RENBP: variants seen among roughly 807,000 people sequenced by gnomAD.
RENBP encodes the protein renin binding protein.
In RENBP, 16 loss-of-function variants were observed where a neutral mutation model predicts 37.8. The observed-to-expected ratio is 0.42, with a 90% CI of 0.29 to 0.64. The LOEUF is 0.64. Ranked by LOEUF, RENBP falls within the 30% of genes least tolerant of loss-of-function variation. RENBP has a pLI of 0.19. For synonymous variants in RENBP, 170 were observed against 154.8 expected (o/e 1.10, Z -0.73); for missense variants, 347 against 379.5 (o/e 0.91, Z 0.71).
chrX:153,941,950 C>CCCCCGGGGGG lies in RENBP; in HGVS notation c.768_769insCCCCCCGGGG (p.Gly257ProfsTer31). The CCCCCGGGGGG allele has an allele frequency of 5.3e-6, 6 of 1,130,602 alleles. No individual in the cohort carries two copies. The highest frequency in any genetic ancestry group is 7.3e-6 in the Non-Finnish European group (6 of 823,174). 93.2% of individuals were successfully genotyped at this position (1,130,602 alleles called of 1,213,427 possible). On this transcript the variant is annotated frameshift_variant and splice_region_variant, in exon 7 of 11. Coordinates refer to ENST00000393700, the MANE Select transcript of RENBP (RefSeq NM_002910.6). LOFTEE classifies it high-confidence loss of function. ...GCCCCCAGCCCACCCCGCCCCTCACCTGGGTTCTGCTGTCTCCCCAGGCAG... is the reference window on the plus strand; with the variant it reads ...GCCCCCAGCCCACCCCGCCCCTCACCCCCCGGGGGGTGGGTTCTGCTGTCTCCCCAGGCAG...
intron 6 of RENBP, 52 bp from the exon 7 acceptor site, chrX:153,942,083 A>T: frequency 1.2e-5 from 12 of 1,005,182 alleles, no homozygotes; most frequent in Non-Finnish European, 1.7e-5. Flanking sequence ...TCACCCACCC[A>T]GCCACCCAAC....
chrX:153,940,607 A>G (rs782598161), intron 8 of RENBP, among the ~76,000 whole-genome samples: 3 of 111,318 alleles, frequency 2.7e-5, no homozygotes, highest in Non-Finnish European at 5.7e-5. Context: ...GCAGGATGAG[A>G]TATGAGGTCG....
intron 5 of RENBP, 64 bp from the exon 6 acceptor site, chrX:153,943,143 CA>C: frequency 2.3e-6 from 2 of 878,776 alleles, no homozygotes; most frequent in Non-Finnish European, 3.1e-6. Flanking sequence ...TCCCCCTGGA[CA>C]CGGCCCTGGG....
Position 153,943,882 on chromosome X carries a change from A to G in RENBP, c.289+13T>C, listed in dbSNP as rs201764611. 1 of 1,176,240 alleles carries G rather than the reference A, an allele frequency of 8.5e-7. No individual in the cohort carries two copies. The highest frequency in any genetic ancestry group is 1.8e-5 in the African/African-American group (1 of 56,540). On this transcript the variant is annotated intron_variant, in intron 4 of 10. Coordinates refer to ENST00000393700, the MANE Select transcript of RENBP (RefSeq NM_002910.6). ...CGGAGTCACTGGGAGATGGGCAGGAAGGGGGCACCTACCTGCTTTTGCTGC... is the reference window on the plus strand; with the variant it reads ...CGGAGTCACTGGGAGATGGGCAGGAGGGGGGCACCTACCTGCTTTTGCTGC...
chrX:153,941,937 C>A lies in RENBP; in HGVS notation c.769+13G>T. The stretch of plus-strand genomic sequence containing the variant: ...CTCCTCCTGGGTGGCCCCCAGCCCA[C>A]CCCGCCCCTCACCTGGGTTCTGCTG... On this transcript the variant is annotated intron_variant, in intron 7 of 10. Transcript: ENST00000393700. 1.1e-6 allele frequency: 1 copy of A among 945,003 alleles called. No homozygotes were observed. The highest frequency in any genetic ancestry group is 2.3e-5 in the Admixed American group (1 of 44,323). 77.9% of individuals were successfully genotyped at this position (945,003 alleles called of 1,213,427 possible). A position where few individuals can be genotyped will look rare whatever the true frequency, so the allele number is the denominator to read the frequency against.
At position 153,941,625 on chromosome X, in the gene RENBP, C is replaced by G. The variant is rs782756432; in HGVS notation, c.798G>C (p.Leu266=). ...CGCCTTTCCGAATGCAATGACGGAG[C>G]AGAAACCAGCCGGCTTCCAGCGTGT... ...PGHTLEAGWF[L]LRHCIRKGDP... is the part of the protein sequence containing the mutation. The change falls in exon 8 of 11, where the codon CTG becomes CTC. Residue 266 remains leucine (L), a synonymous_variant. Transcript: ENST00000393700. 7 of 1,199,145 alleles carry G rather than the reference C, an allele frequency of 5.8e-6. No individual in the cohort carries two copies. In the Admixed American group the frequency reaches 1.1e-4, roughly 20 times the overall value.
chrX:153,943,594 G>T lies in RENBP; in HGVS notation c.414C>A (p.Thr138=). 8.3e-7 allele frequency: 1 copy of T among 1,211,514 alleles called. No individual in the cohort carries two copies. Among genetic ancestry groups the T allele is most frequent in the Non-Finnish European group, 1.1e-6 (1 of 895,308 alleles). The change falls in exon 5 of 11, where the codon ACC becomes ACA. Residue 138 remains threonine, a synonymous_variant. Coordinates refer to ENST00000393700, the MANE Select transcript of RENBP (RefSeq NM_002910.6). ...CTCTCCACAGCTCGTTCATGGCCAT[G>T]GTGTAGAAACACTCACTGAAGATGG... is the stretch of plus-strand genomic sequence containing the variant. The part of the protein sequence containing the change: ...QRTIFSECFY[T]MAMNELWRAT...
chrX:153,942,754 C>T (rs1884213124), intron 6 of RENBP, 101 bp downstream of exon 6: 1 of 700,048 alleles, frequency 1.4e-6, no homozygotes, highest in Admixed American at 2.4e-5. Flanking sequence ...TGGGGACATC[C>T]CCGAATCTCT....
In RENBP at chrX:153,935,562, C is replaced by A; in HGVS notation, c.1092G>T (p.Glu364Asp). The A allele has an allele frequency of 8.3e-7, 1 of 1,209,424 alleles. No individual in the cohort carries two copies. The highest frequency in any genetic ancestry group is 2.2e-5 in the Admixed American group (1 of 46,091). The change falls in exon 10 of 11, where the codon GAG becomes GAT. Residue 364 changes from glutamate to aspartate, a missense_variant. Coordinates refer to ENST00000393700, the MANE Select transcript of RENBP (RefSeq NM_002910.6). ...EYTFRQFRDPEYGEWFGYLSR... is the reference protein window; with the variant it reads ...EYTFRQFRDPDYGEWFGYLSR... ...TCAGGTAGCCAAACCATTCCCCGTA[C>A]TCGGGATCGCGAAACTGGAATAACA... is the stretch of plus-strand genomic sequence containing the variant.
In RENBP at chrX:153,944,376, G is replaced by T. The variant is rs782346421; in HGVS notation, c.70C>A (p.Arg24Ser). ...ACGCGGTCCAGCTCCTGCCCCACGC[G>T]CTCCTTCCAGGCCTGCAGAGTCTCT... ...ERETLQAWKE[R>S]VGQELDRVVA... The change falls in exon 2 of 11, where the codon CGC becomes AGC. Residue 24 changes from arginine to serine, a missense_variant. This residue lies in a region of RENBP where 244 missense variants were observed against 279.4 expected (regional missense o/e 0.87). Transcript: ENST00000393700. 8.3e-7 allele frequency: 1 copy of T among 1,211,040 alleles called. No individual in the cohort carries two copies. Among genetic ancestry groups the T allele is most frequent in the African/African-American group, 1.7e-5 (1 of 57,785 alleles).
chrX:153,937,237 T>TAAAC (rs2065207477), intron 9 of RENBP: 1 of 112,185 alleles, frequency 8.9e-6, no homozygotes, highest in Non-Finnish European at 1.7e-5. Context: ...AATAAATAAA[T>TAAAC]AAATAAAAAC....
chrX:153,936,924 C>T (rs2065205445), intron 9 of RENBP, among the ~76,000 whole-genome samples: 1 of 112,260 alleles, frequency 8.9e-6, no homozygotes. Flanking sequence ...GGGCTGGGCA[C>T]AGTGGCTCAC....
chrX:153,938,030 C>T (rs1046805085), intron 9 of RENBP, among the ~76,000 whole-genome samples: 1 of 112,649 alleles, frequency 8.9e-6, no homozygotes, highest in Non-Finnish European at 1.9e-5. Flanking sequence ...CATGCCCAGC[C>T]GATTTACCTG....
At chrX:153,943,788 C>T in intron 4 of RENBP, 70 bp from the exon 5 acceptor site, 1 of 1,182,867 alleles carries the variant, frequency 8.5e-7, no homozygotes, top group Non-Finnish European at 1.1e-6. Flanking sequence ...CTTGAGCCTC[C>T]CCAAGTCCTT....
At chrX:153,942,230 G>GTTTTTTT (rs782716689) in intron 6 of RENBP, 199 bp from the exon 7 acceptor site, 53 of 95,984 alleles carry the variant, frequency 5.5e-4, no homozygotes, top group East Asian at 8.4e-4. Flanking sequence ...GCAAGTTGTT[G>GTTTTTTT]TTTTTTTTTT....
In RENBP at chrX:153,944,116, A is replaced by G. The variant is rs1177451711; in HGVS notation, c.177T>C (p.Tyr59=). The change falls in exon 3 of 11, where the codon TAT becomes TAC. Residue 59 remains tyrosine, a synonymous_variant. Coordinates refer to ENST00000393700, the MANE Select transcript of RENBP (RefSeq NM_002910.6). The part of the protein sequence containing the change: ...FTCLGREGRV[Y]DDLKYVWLQG... Reference sequence around the variant, plus strand: ...GCAGCCACACATACTTGAGGTCATCATACACCCGCCCCTCGCGGCCAAGGC... The same window carrying G: ...GCAGCCACACATACTTGAGGTCATCGTACACCCGCCCCTCGCGGCCAAGGC... The G allele has an allele frequency of 2.5e-6, 3 of 1,209,419 alleles. No individual in the cohort carries two copies. Among genetic ancestry groups the G allele is most frequent in the African/African-American group, 1.7e-5 (1 of 57,201 alleles).
rs782133344 is a variant in RENBP at position 153,941,601 on chromosome X, G to A, written c.822C>T (p.Gly274=). 21 of 1,201,716 alleles carry A rather than the reference G, an allele frequency of 1.7e-5. No individual in the cohort carries two copies. The East Asian group carries it at 3.9e-4, about 22-fold the overall frequency. The change falls in exon 8 of 11, where the codon GGC becomes GGT. Residue 274 remains glycine (G), a synonymous_variant. Transcript: ENST00000393700. The part of the protein sequence containing the change: ...WFLLRHCIRK[G]DPELRAHVID... ...TCACGTGGGCTCGAAGTTCGGGGTC[G>A]CCTTTCCGAATGCAATGACGGAGCA...
intron 6 of RENBP, 129 bp downstream of exon 6, chrX:153,942,726 C>T (rs1557109772): frequency 1.7e-6 from 1 of 573,065 alleles, no homozygotes; most frequent in East Asian, 3.4e-5. Context: ...AGCCCTCAGG[C>T]CCTCCACCTT....
At chrX:153,939,984 C>T (rs1350688745) in intron 9 of RENBP, 118 bp downstream of exon 9, 55 of 935,880 alleles carry the variant, frequency 5.9e-5, no homozygotes, top group Middle Eastern at 3.5e-4. Flanking sequence ...ACTGGGGCTC[C>T]GGAAACTCTC....
Sources: gnomAD v4.1 joint callset for allele counts (sites outside exome capture counted in the v4.1 genomes callset) on GRCh38, gnomAD v4.1.1 for gene constraint, gnomAD v4.1.1 regional missense constraint, MANE v1.5 for transcripts, NCBI Gene and HGNC (gene_info 2026-07-23, HGNC 2026-07-21) for gene names.